Variants in MCF2L2 observed in about 807,000 individuals in gnomAD.
MCF2L2 encodes probable guanine nucleotide exchange factor MCF2L2.
Under a neutral mutation model 150.2 loss-of-function variants are expected in MCF2L2, and 102 were observed. The observed-to-expected ratio is 0.68, with a 90% CI of 0.58 to 0.80. The LOEUF is 0.80. Ranked by LOEUF, MCF2L2 falls within the 30% of genes least tolerant of loss-of-function variation. MCF2L2 has a pLI of 0.00. For synonymous variants in MCF2L2, 465 were observed against 491.3 expected (o/e 0.95, Z 0.71); for missense variants, 1,256 against 1,372.8 (o/e 0.91, Z 1.34).
intron 15 of MCF2L2, chr3:183,272,923 C>CTG: frequency 7.2e-7 from 1 of 1,396,638 alleles, no homozygotes; most frequent in Non-Finnish European, 9.3e-7. Flanking sequence ...CTCTTCTGAA[C>CTG]TGTGTCCTTT....
Position 183,270,937 on chromosome 3 carries a change from A to G in MCF2L2, c.1862+5935T>C, listed in dbSNP as rs1726715509. ...CCTTGTAGGGCTGCGTTTATCTAATAGTACTTGAATGTTGTATGTTTTCAC... is the reference window on the plus strand; with the variant it reads ...CCTTGTAGGGCTGCGTTTATCTAATGGTACTTGAATGTTGTATGTTTTCAC... On this transcript the variant is annotated intron_variant, in intron 15 of 29. Coordinates refer to ENST00000328913, the MANE Select transcript of MCF2L2 (RefSeq NM_015078.4). The surrounding 1 kb of genome is among the most constrained non-coding windows in gnomAD (Gnocchi z 4.5). The G allele has an allele frequency of 1.9e-6, 3 of 1,554,348 alleles. No individual in the cohort carries two copies. The highest frequency in any genetic ancestry group is 2.6e-6 in the Non-Finnish European group (3 of 1,155,480).
rs374624259 is a variant in MCF2L2, at chr3:183,184,770, T to G, written c.3017-4611A>C. Among the ~76,000 whole-genome samples the G allele has an allele frequency of 2.0e-5, 3 of 152,352 alleles. No homozygotes were observed. The East Asian group carries it at 5.8e-4, about 29-fold the overall frequency. On this transcript the variant is annotated intron_variant, in intron 27 of 29. Transcript: ENST00000328913. ...ACTTTGAAGACAAAATCATGGTGTT[T>G]CCCTTACTGTCCAGTGGATGGCACA...
At chr3:183,355,005 T>C (rs927575558) in intron 3 of MCF2L2, among the ~76,000 whole-genome samples, 12 of 151,882 alleles carry the variant, frequency 7.9e-5, no homozygotes, top group African/African-American at 2.7e-4. Flanking sequence ...TGAAGTGATA[T>C]AAAATAATTG....
At chr3:183,395,107 T>C (rs1310858740) in intron 1 of MCF2L2, among the ~76,000 whole-genome samples, 1 of 152,226 alleles carries the variant, frequency 6.6e-6, no homozygotes, top group East Asian at 1.9e-4. Flanking sequence ...GTCTTAACCA[T>C]TACAGTCATT....
At chr3:183,389,816 T>C in intron 1 of MCF2L2, 37 bp from the exon 2 acceptor site, 1 of 1,496,604 alleles carries the variant, frequency 6.7e-7, no homozygotes, top group Non-Finnish European at 9.3e-7. Context: ...TAGTTAAACA[T>C]GTGCAAATTA....
At chr3:183,426,197 G>A (rs1449874588) in intron 1 of MCF2L2, among the ~76,000 whole-genome samples, 1 of 152,168 alleles carries the variant, frequency 6.6e-6, no homozygotes, top group African/African-American at 2.4e-5. Context: ...AGGTAGGCAA[G>A]AAAATACCAT....
At chr3:183,410,384 T>G (rs1161291502) in intron 1 of MCF2L2, among the ~76,000 whole-genome samples, 1 of 152,184 alleles carries the variant, frequency 6.6e-6, no homozygotes, top group African/African-American at 2.4e-5. Context: ...CCTACAAGCG[T>G]CCTCTCCAAA....
At chr3:183,259,936 G>A (rs1356994429) in intron 15 of MCF2L2, among the ~76,000 whole-genome samples, 1 of 152,162 alleles carries the variant, frequency 6.6e-6, no homozygotes, top group Non-Finnish European at 1.5e-5. Context: ...CAGCAAAACA[G>A]AAATGACTTC....
chr3:183,307,989 C>T (rs974085145), intron 10 of MCF2L2, among the ~76,000 whole-genome samples: 5 of 152,238 alleles, frequency 3.3e-5, no homozygotes, highest in African/African-American at 9.6e-5. Context: ...AAACAGATCT[C>T]AGACCAAAGG....
intron 15 of MCF2L2, among the ~76,000 whole-genome samples, chr3:183,275,685 C>G (rs1410990704): frequency 6.6e-6 from 1 of 152,140 alleles, no homozygotes; most frequent in Non-Finnish European, 1.5e-5. Context: ...CACAGCTTAG[C>G]TCACTGCAGA....
intron 15 of MCF2L2, among the ~76,000 whole-genome samples, chr3:183,262,481 A>G (rs911047953): frequency 4.6e-5 from 7 of 152,034 alleles, no homozygotes; most frequent in Admixed American, 1.3e-4. Context: ...TATTGCATCA[A>G]AATATTATAC....
At chr3:183,337,487 A>G (rs1730529622) in intron 5 of MCF2L2, among the ~76,000 whole-genome samples, 1 of 140,962 alleles carries the variant, frequency 7.1e-6, no homozygotes, top group Admixed American at 7.5e-5. Flanking sequence ...CAGGAGGTGG[A>G]GGTTGCAGTG....
At position 183,305,181 on chromosome 3, in the gene MCF2L2, G is replaced by C. The variant is rs1729040077; in HGVS notation, c.1113+4535C>G. ...TTCAAACCCAGGCAGTCTTGCTCCA[G>C]GATCTGGCTCAGACCAACATACACA... On this transcript the variant is annotated intron_variant, in intron 10 of 29. Coordinates refer to ENST00000328913, the MANE Select transcript of MCF2L2 (RefSeq NM_015078.4). The surrounding 1 kb of genome is among the most constrained non-coding windows in gnomAD (Gnocchi z 4.1). Among the ~76,000 whole-genome samples the C allele has an allele frequency of 6.6e-6, 1 of 152,186 alleles. No individual in the cohort carries two copies. The highest frequency in any genetic ancestry group is 1.5e-5 in the Non-Finnish European group (1 of 68,042).
At chr3:183,186,357 A>C (rs992153601) in intron 27 of MCF2L2, among the ~76,000 whole-genome samples, 2 of 152,172 alleles carry the variant, frequency 1.3e-5, no homozygotes, top group Non-Finnish European at 2.9e-5. Flanking sequence ...GAGCTCAAGC[A>C]ATCCTTTCAC....
intron 15 of MCF2L2, among the ~76,000 whole-genome samples, chr3:183,266,988 T>C (rs1330953401): frequency 6.6e-6 from 1 of 152,124 alleles, no homozygotes; most frequent in Non-Finnish European, 1.5e-5. Context: ...GGTTTCACCA[T>C]GTTGCCAGGC....
chr3:183,348,057 A>T (rs1371754880), intron 3 of MCF2L2, among the ~76,000 whole-genome samples: 1 of 152,208 alleles, frequency 6.6e-6, no homozygotes, highest in Non-Finnish European at 1.5e-5. Flanking sequence ...CCGGGTATAT[A>T]CCCAAAGGAT....
chr3:183,376,427 A>G (rs1713191766), intron 3 of MCF2L2: 1 of 152,224 alleles, frequency 6.6e-6, no homozygotes. Context: ...ATCCCTATTC[A>G]CCCTCTTCCT....
chr3:183,189,788 G>A (rs533259557), intron 27 of MCF2L2, among the ~76,000 whole-genome samples: 2 of 152,310 alleles, frequency 1.3e-5, no homozygotes, highest in South Asian at 2.1e-4. Context: ...AGTACAAGGC[G>A]AAGTAGGCCA....
chr3:183,342,642 GTGTGTGTGTGTGTGTGTGTGTGT>G (rs1730749897), intron 3 of MCF2L2, among the ~76,000 whole-genome samples: 1 of 134,872 alleles, frequency 7.4e-6, no homozygotes, highest in African/African-American at 3.6e-5. Context: ...GTGTGTGTGT[GTGTGTGTGTGTGTGTGTGTGTGT>G]GTGTGTATGC....
Sources: allele counts gnomAD v4.1 joint callset (sites outside exome capture counted in the v4.1 genomes callset), GRCh38; gene constraint gnomAD v4.1.1; non-coding constraint Gnocchi (gnomAD v3.1); transcripts MANE v1.5; gene names NCBI Gene and HGNC (gene_info 2026-07-23, HGNC 2026-07-21).